BAZ1A: variants seen among roughly 807,000 people sequenced by gnomAD.
BAZ1A encodes bromodomain adjacent to zinc finger domain 1A, also known as bromodomain adjacent to zinc finger domain protein 1A.
BAZ1A carries 50 observed loss-of-function variants against 185.2 expected under a neutral mutation model. The observed-to-expected ratio is 0.27, with a 90% confidence interval of 0.22 to 0.34. BAZ1A has a LOEUF of 0.34. BAZ1A is among the 10% of genes least tolerant of loss of function. The pLI is 1.00. For missense variants in BAZ1A, 1,356 were observed against 1,839.9 expected, an observed-to-expected ratio of 0.74 and a Z score of 4.81; for synonymous variants, 571 against 615.6, an observed-to-expected ratio of 0.93 and a Z score of 1.07.
In BAZ1A at chr14:34,845,859, C is replaced by CA. The variant is rs3062591; in HGVS notation, c.392+16184dup. Among the ~76,000 whole-genome samples, 395 of 115,046 alleles carry CA rather than the reference C, an allele frequency of 3.4e-3. 2 individuals are homozygous for CA. Among genetic ancestry groups the CA allele is most frequent in the East Asian group, 0.019 (72 of 3,778 alleles). The allele number at this position is 115,046 out of a possible 152,430, so 75.5% of individuals were successfully genotyped here. ...CTGGCGACAGAGCAAGACTCTGTCT[C>CA]AAAAAAAAAAAAAAAAAAAAGAAAA... is the stretch of plus-strand genomic sequence containing the variant. On this transcript the variant is annotated intron_variant, in intron 3 of 26. Transcript: ENST00000360310.
chr14:34,754,062 G>A (rs1288414644), intron 26 of BAZ1A, among the ~76,000 whole-genome samples: 1 of 151,732 alleles, frequency 6.6e-6, no homozygotes, highest in African/African-American at 2.4e-5. Flanking sequence ...ACACCAGCCT[G>A]GGCAACATGG....
intron 20 of BAZ1A, 49 bp downstream of exon 20, chr14:34,773,523 T>A: frequency 4.9e-6 from 7 of 1,427,754 alleles, no homozygotes; most frequent in East Asian, 2.5e-5. Flanking sequence ...AAAAAAACCT[T>A]AAAATGGCAA....
intron 9 of BAZ1A, 52 bp from the exon 10 acceptor site, chr14:34,795,817 G>T: frequency 7.5e-7 from 1 of 1,335,856 alleles, no homozygotes; most frequent in Non-Finnish European, 1.1e-6. Context: ...TTATATGGCA[G>T]CATCGGCATC....
chr14:34,859,149 T>G (rs1006719749), intron 3 of BAZ1A, among the ~76,000 whole-genome samples: 15 of 152,224 alleles, frequency 9.9e-5, no homozygotes, highest in African/African-American at 3.6e-4. Flanking sequence ...ATTTATAAGA[T>G]CCACAGAAAA....
intron 4 of BAZ1A, among the ~76,000 whole-genome samples, chr14:34,816,080 C>CTTTTTTTTTTTTTTTT (rs35830800): frequency 1.3e-5 from 1 of 79,394 alleles, no homozygotes; most frequent in Admixed American, 2.2e-4. Context: ...TATTCCAGAC[C>CTTTTTTTTTTTTTTTT]TTTTTTTTTT....
chr14:34,874,314 G>A lies in BAZ1A; in HGVS notation c.113+178C>T. 1 of 578,972 alleles carries A rather than the reference G, an allele frequency of 1.7e-6. No individual in the cohort carries two copies. Among genetic ancestry groups the A allele is most frequent in the Admixed American group, 3.4e-5 (1 of 29,498 alleles). The allele number at this position is 578,972 out of a possible 1,614,324, so 35.9% of individuals were successfully genotyped here. A position where few individuals can be genotyped will look rare whatever the true frequency, so the allele number is the denominator to read the frequency against. On this transcript the variant is annotated intron_variant, in intron 2 of 26. Coordinates refer to ENST00000360310, the MANE Select transcript of BAZ1A (RefSeq NM_013448.3). The surrounding 1 kb of genome is among the most constrained non-coding windows in gnomAD (Gnocchi z 4.7). Reference sequence around the variant, plus strand: ...TTCCCCACGCGCGCCGCCGCCAGTTGGCCCCGCGCGTTCTCCAGGTGGAGG... The same window carrying A: ...TTCCCCACGCGCGCCGCCGCCAGTTAGCCCCGCGCGTTCTCCAGGTGGAGG...
intron 2 of BAZ1A, among the ~76,000 whole-genome samples, chr14:34,869,562 A>G (rs564723850): frequency 6.6e-6 from 1 of 152,324 alleles, no homozygotes; most frequent in Admixed American, 6.5e-5. Context: ...GGGGCAAACA[A>G]CAAGGCAGGT....
intron 1 of BAZ1A, 30 bp downstream of exon 1, chr14:34,875,108 G>A: frequency 2.8e-6 from 1 of 358,620 alleles, no homozygotes; most frequent in Non-Finnish European, 5.5e-6. Flanking sequence ...CTTCCCCGCC[G>A]GCGCCGGCCG....
At chr14:34,799,514 A>T (rs1881388718) in intron 9 of BAZ1A, among the ~76,000 whole-genome samples, 1 of 152,212 alleles carries the variant, frequency 6.6e-6, no homozygotes, top group African/African-American at 2.4e-5. Context: ...GAAACCAGCT[A>T]TAGAATTCTC....
rs766314740 is a variant in BAZ1A, at chr14:34,771,504, T to TA, written c.3301+6dup. ...ACTAATATTTTGAAATAAAAACAGATACTTACCAAGTGGAGCTTTCAGAAA... is the reference window on the plus strand; with the variant it reads ...ACTAATATTTTGAAATAAAAACAGATAACTTACCAAGTGGAGCTTTCAGAAA... On this transcript the variant is annotated splice_region_variant and intron_variant, in intron 21 of 26. Coordinates refer to ENST00000360310, the MANE Select transcript of BAZ1A (RefSeq NM_013448.3). The TA allele has an allele frequency of 1.0e-5, 16 of 1,602,858 alleles. No individual in the cohort carries two copies. Among genetic ancestry groups the TA allele is most frequent in the Middle Eastern group, 1.7e-4 (1 of 6,014 alleles).
chr14:34,865,656 T>C (rs185185955), intron 2 of BAZ1A, among the ~76,000 whole-genome samples: 5 of 152,330 alleles, frequency 3.3e-5, no homozygotes, highest in Admixed American at 6.5e-5. Context: ...AGAAATAGCA[T>C]GCATATGCCA....
intron 20 of BAZ1A, among the ~76,000 whole-genome samples, chr14:34,773,087 A>G (rs1879331436): frequency 6.6e-6 from 1 of 152,016 alleles, no homozygotes; most frequent in African/African-American, 2.4e-5. Context: ...GATAATTAAA[A>G]AAAAGAGAGA....
At chr14:34,800,443 G>A (rs2138653976) in intron 8 of BAZ1A, 53 bp from the exon 9 acceptor site, 3 of 1,354,906 alleles carry the variant, frequency 2.2e-6, no homozygotes, top group South Asian at 3.0e-5. Flanking sequence ...ATAACACTTG[G>A]CAATTTTTTT....
At chr14:34,811,749 A>C (rs1383403555) in intron 4 of BAZ1A, among the ~76,000 whole-genome samples, 1 of 152,158 alleles carries the variant, frequency 6.6e-6, no homozygotes, top group Non-Finnish European at 1.5e-5. Context: ...CATTCACTAC[A>C]TTTTCTTTGG....
intron 21 of BAZ1A, among the ~76,000 whole-genome samples, chr14:34,767,790 C>CAG (rs1406577827): frequency 1.3e-5 from 2 of 151,944 alleles, no homozygotes; most frequent in Non-Finnish European, 2.9e-5. Context: ...AATAAGGTTG[C>CAG]AGAGGTCAAT....
intron 2 of BAZ1A, among the ~76,000 whole-genome samples, chr14:34,872,650 C>A (rs993860276): frequency 1.6e-4 from 24 of 151,938 alleles, no homozygotes; most frequent in African/African-American, 5.1e-4. Flanking sequence ...TTCTGGAATG[C>A]GAAAAATCTG....
At chr14:34,872,628 G>A (rs898162945) in intron 2 of BAZ1A, among the ~76,000 whole-genome samples, 3 of 152,038 alleles carry the variant, frequency 2.0e-5, no homozygotes, top group African/African-American at 7.2e-5. Context: ...AAAAATAATG[G>A]AAGACAGATA....
chr14:34,821,714 G>A (rs564891869), intron 4 of BAZ1A, among the ~76,000 whole-genome samples: 2 of 152,364 alleles, frequency 1.3e-5, no homozygotes, highest in African/African-American at 4.8e-5. Flanking sequence ...GCCAGGCAGG[G>A]TGGCTCACGC....
intron 3 of BAZ1A, among the ~76,000 whole-genome samples, chr14:34,854,814 T>C (rs2042650357): frequency 6.6e-6 from 1 of 152,034 alleles, no homozygotes; most frequent in Non-Finnish European, 1.5e-5. Context: ...GCACAGTGGC[T>C]CATGCCTGTA....
Sources: allele counts gnomAD v4.1 joint callset (sites outside exome capture counted in the v4.1 genomes callset), GRCh38; gene constraint gnomAD v4.1.1; non-coding constraint Gnocchi (gnomAD v3.1); transcripts MANE v1.5; gene names NCBI Gene and HGNC (gene_info 2026-07-23, HGNC 2026-07-21).